SRGAP2: variants seen among roughly 807,000 people sequenced by gnomAD.
The protein encoded by SRGAP2 is SLIT-ROBO Rho GTPase activating protein 2, also known as SLIT-ROBO Rho GTPase-activating protein 2.
In SRGAP2, 15 loss-of-function variants were observed where a neutral mutation model predicts 57.2. The ratio of observed to expected loss-of-function variants is 0.26; its 90% CI spans 0.18 to 0.40. The LOEUF (loss-of-function observed/expected upper bound fraction) is 0.40. SRGAP2 is among the 10% of genes least tolerant of loss of function. The pLI is 1.00. For synonymous variants in SRGAP2, 249 were observed against 248.0 expected, an observed-to-expected ratio of 1.00 and a Z score of -0.04; for missense variants, 520 against 669.6, an observed-to-expected ratio of 0.78 and a Z score of 2.47.
intron 12 of SRGAP2, among the ~76,000 whole-genome samples, 187 bp downstream of exon 12, chr1:206,419,587 G>T (rs1301439569): frequency 6.6e-6 from 1 of 152,154 alleles, no homozygotes; most frequent in Non-Finnish European, 1.5e-5. Flanking sequence ...GATAGAAATG[G>T]GGTTTTCTGG....
intron 7 of SRGAP2, among the ~76,000 whole-genome samples, chr1:206,395,689 C>G (rs1453685453): frequency 6.6e-6 from 1 of 151,344 alleles, no homozygotes; most frequent in Non-Finnish European, 1.5e-5. Context: ...CCTTTTTCAC[C>G]GAAATACTGA....
chr1:206,426,013 ATT>A (rs1437318325), intron 13 of SRGAP2, among the ~76,000 whole-genome samples: 1 of 151,470 alleles, frequency 6.6e-6, no homozygotes, highest in Non-Finnish European at 1.5e-5. Flanking sequence ...TGCCCAGCTA[ATT>A]TTTGTATTTT....
intron 4 of SRGAP2, among the ~76,000 whole-genome samples, chr1:206,374,050 AG>A (rs1314857056): frequency 1.1e-5 from 1 of 88,762 alleles, no homozygotes; most frequent in Non-Finnish European, 2.1e-5. Context: ...TTTGAGACGG[AG>A]TTTCGCTCTG....
chr1:206,284,992 A>C (rs1405600748), intron 2 of SRGAP2, among the ~76,000 whole-genome samples: 1 of 151,862 alleles, frequency 6.6e-6, no homozygotes, highest in Non-Finnish European at 1.5e-5. Flanking sequence ...GAAAACAATA[A>C]GGTTGTTGAT....
intron 17 of SRGAP2, among the ~76,000 whole-genome samples, chr1:206,440,502 C>T (rs1662184965): frequency 6.6e-6 from 1 of 151,662 alleles, no homozygotes. Flanking sequence ...ACCCCAGAGT[C>T]ATGGTAATAG....
chr1:206,449,580 C>A (rs1663092675), intron 18 of SRGAP2, among the ~76,000 whole-genome samples: 1 of 151,808 alleles, frequency 6.6e-6, no homozygotes, highest in Admixed American at 6.6e-5. Context: ...CCTGACCTAC[C>A]CTGAATGATT....
At chr1:206,433,527 T>C (rs1379354591) in intron 14 of SRGAP2, among the ~76,000 whole-genome samples, 1 of 151,372 alleles carries the variant, frequency 6.6e-6, no homozygotes. Context: ...TGTAATCCCA[T>C]CTACTCGGGA....
At chr1:206,216,073 ATAT>A (rs1212818466) in intron 2 of SRGAP2, among the ~76,000 whole-genome samples, 1 of 143,308 alleles carries the variant, frequency 7.0e-6, no homozygotes, top group Non-Finnish European at 1.5e-5. Context: ...CCCTATGTTA[ATAT>A]TATTTGAAAT....
At chr1:206,306,160 T>C (rs1203182196) in intron 3 of SRGAP2, among the ~76,000 whole-genome samples, 1 of 152,196 alleles carries the variant, frequency 6.6e-6, no homozygotes, top group Non-Finnish European at 1.5e-5. Flanking sequence ...GTGTCCGGAA[T>C]TGGTGGGTTC....
intron 3 of SRGAP2, among the ~76,000 whole-genome samples, chr1:206,309,354 A>T (rs79925439): frequency 6.7e-4 from 101 of 149,762 alleles, no homozygotes; most frequent in African/African-American, 2.3e-3. Flanking sequence ...TTCAGATTGG[A>T]TGTGGCAGCA....
chr1:206,216,796 TTTTG>T (rs1404118930), intron 2 of SRGAP2, among the ~76,000 whole-genome samples: 2,060 of 86,776 alleles, frequency 0.024, 100 homozygotes, highest in African/African-American at 0.082. Context: ...CTCTTTGTTT[TTTTG>T]TTTGTTTGTT....
intron 13 of SRGAP2, 58 bp from the exon 14 acceptor site, chr1:206,430,104 G>T: frequency 2.6e-6 from 2 of 779,342 alleles, no homozygotes; most frequent in South Asian, 2.7e-5. Flanking sequence ...CGTTTTCTCT[G>T]ACCCTGGGCT....
intron 17 of SRGAP2, among the ~76,000 whole-genome samples, chr1:206,440,358 G>T (rs144277417): frequency 1.7e-3 from 253 of 152,234 alleles, no homozygotes; most frequent in African/African-American, 5.5e-3. Flanking sequence ...AAAGAGAGGG[G>T]AAAGAGTAAA....
In SRGAP2 at chr1:206,256,454, G is replaced by A. The variant is rs563913251; in HGVS notation, c.68-46827G>A. Among the ~76,000 whole-genome samples the A allele has an allele frequency of 1.6e-4, 23 of 146,912 alleles. No individual in the cohort carries two copies. The South Asian group carries it at 5.2e-3, about 33-fold the overall frequency. ...AGAAGTAACAATTCCCATTCTATTG[G>A]TGAGGCAGTTCTAAAGAAAGTCCCC... On this transcript the variant is annotated intron_variant, in intron 2 of 22. Coordinates refer to ENST00000573034, the MANE Select transcript of SRGAP2 (RefSeq NM_015326.5).
At chr1:206,224,432 C>A (rs1667159558) in intron 2 of SRGAP2, among the ~76,000 whole-genome samples, 1 of 143,206 alleles carries the variant, frequency 7.0e-6, no homozygotes, top group African/African-American at 2.8e-5. Context: ...AAAAAATAAC[C>A]CACAGCAATA....
In SRGAP2 at chr1:206,205,522, CA is replaced by C. The variant is rs1332614182; in HGVS notation, c.-443del. 1 of 127,126 alleles carries C rather than the reference CA, an allele frequency of 7.9e-6. No individual in the cohort carries two copies. Among genetic ancestry groups the C allele is most frequent in the African/African-American group, 3.7e-5 (1 of 27,276 alleles). 7.9% of individuals were successfully genotyped at this position (127,126 alleles called of 1,614,324 possible). A position where few individuals can be genotyped will look rare whatever the true frequency, so the allele number is the denominator to read the frequency against. ...TTGCAGCATCTTTGAGCCTCTACGA[CA>C]AAAAACCGCGAAGCACGCCCAGCCC... On this transcript the variant is annotated 5_prime_UTR_variant, in exon 2 of 23. Transcript: ENST00000573034.
At position 206,438,354 on chromosome 1, in the gene SRGAP2, T is replaced by C. The variant is rs546688888; in HGVS notation, c.1768+256T>C. Reference sequence around the variant, plus strand: ...TTTTTCTTCTGATTCATCTCTGGGCTTTATCTTTTTTTAGTAAAATACCTT... The same window carrying C: ...TTTTTCTTCTGATTCATCTCTGGGCCTTATCTTTTTTTAGTAAAATACCTT... On this transcript the variant is annotated intron_variant, in intron 16 of 22. Transcript: ENST00000573034. 3.3e-5 allele frequency among the ~76,000 whole-genome samples: 5 copies of C among 152,246 alleles called. No individual in the cohort carries two copies. The East Asian group carries it at 5.8e-4, about 18-fold the overall frequency.
intron 17 of SRGAP2, among the ~76,000 whole-genome samples, chr1:206,440,657 C>T (rs1662209933): frequency 6.6e-6 from 1 of 151,960 alleles, no homozygotes. Context: ...AAGCGATTCT[C>T]CTGCCTCAGC....
intron 4 of SRGAP2, among the ~76,000 whole-genome samples, chr1:206,378,907 A>T (rs543659131): frequency 1.3e-5 from 2 of 152,316 alleles, no homozygotes; most frequent in Admixed American, 6.5e-5. Flanking sequence ...ATTATGCTGT[A>T]TTGCAATAAA....
Sources: gnomAD v4.1 joint callset for allele counts (sites outside exome capture counted in the v4.1 genomes callset) on GRCh38, gnomAD v4.1.1 for gene constraint, MANE v1.5 for transcripts, NCBI Gene and HGNC (gene_info 2026-07-23, HGNC 2026-07-21) for gene names.